SBF2: variants seen among roughly 807,000 people sequenced by gnomAD.
SBF2 encodes the protein SET binding factor 2.
A neutral mutation model predicts 225.2 loss-of-function variants in SBF2; 112 were observed. That is an observed-to-expected ratio of 0.50 (90% CI 0.43 to 0.58). The LOEUF (loss-of-function observed/expected upper bound fraction) is 0.58. Among genes scored for constraint, SBF2 ranks in the 20% least tolerant of loss-of-function variants. SBF2 has a pLI of 0.00. For missense variants in SBF2, 1,996 were observed against 2,206.2 expected (o/e 0.90, Z 1.91); for synonymous variants, 763 against 773.3 (o/e 0.99, Z 0.22).
intron 13 of SBF2, among the ~76,000 whole-genome samples, chr11:9,985,902 T>C (rs868056336): frequency 6.6e-6 from 1 of 152,066 alleles, no homozygotes; most frequent in Admixed American, 6.5e-5. Flanking sequence ...AAAGAAACAA[T>C]GGATTTAAAC....
intron 3 of SBF2, among the ~76,000 whole-genome samples, chr11:10,035,209 C>T (rs1323311834): frequency 2.0e-5 from 3 of 151,902 alleles, no homozygotes; most frequent in East Asian, 3.9e-4. Context: ...CTCCTGACCT[C>T]GTGATCTGCC....
At chr11:10,209,574 AGAGT>A (rs1328628459) in intron 1 of SBF2, among the ~76,000 whole-genome samples, 1 of 152,108 alleles carries the variant, frequency 6.6e-6, no homozygotes, top group African/African-American at 2.4e-5. Context: ...TGTAACAGAT[AGAGT>A]ATTTCTCAAG....
chr11:10,024,337 T>TAAAAAA (rs10693088), intron 6 of SBF2, among the ~76,000 whole-genome samples: 15,676 of 151,606 alleles, frequency 0.1, 1,022 homozygotes, highest in Middle Eastern at 0.23. Context: ...TTTTTAAACT[T>TAAAAAA]AAAATAGTCA....
intron 1 of SBF2, among the ~76,000 whole-genome samples, chr11:10,288,345 G>C (rs535169774): frequency 1.3e-5 from 2 of 152,304 alleles, no homozygotes; most frequent in East Asian, 3.9e-4. Context: ...CTGAGCAATA[G>C]AACAGCTCAA....
chr11:10,195,360 T>A (rs1957317385), intron 1 of SBF2, among the ~76,000 whole-genome samples: 1 of 152,212 alleles, frequency 6.6e-6, no homozygotes, highest in Non-Finnish European at 1.5e-5. Flanking sequence ...AACTTCCCAT[T>A]GAACTTTGGG....
intron 1 of SBF2, among the ~76,000 whole-genome samples, chr11:10,220,470 C>T (rs1179053613): frequency 6.6e-6 from 1 of 152,176 alleles, no homozygotes; most frequent in African/African-American, 2.4e-5. Context: ...TTACCAAGAC[C>T]TATAGCTTCT....
At chr11:9,932,118 A>T (rs1272078169) in intron 16 of SBF2, among the ~76,000 whole-genome samples, 6 of 152,236 alleles carry the variant, frequency 3.9e-5, no homozygotes, top group Non-Finnish European at 7.3e-5. Flanking sequence ...CCTCCAAGAA[A>T]TACGGGACTA....
intron 3 of SBF2, among the ~76,000 whole-genome samples, chr11:10,034,340 C>T (rs148592935): frequency 2.0e-4 from 30 of 152,278 alleles, no homozygotes; most frequent in African/African-American, 6.5e-4. Context: ...TTAGTACTCA[C>T]CATATCAATC....
At chr11:9,816,402 G>C (rs909849808) in intron 29 of SBF2, among the ~76,000 whole-genome samples, 3 of 152,086 alleles carry the variant, frequency 2.0e-5, no homozygotes, top group Non-Finnish European at 4.4e-5. Context: ...TCCATACATG[G>C]TACCACAGTC....
At chr11:10,211,173 C>T (rs1330003165) in intron 1 of SBF2, among the ~76,000 whole-genome samples, 3 of 152,034 alleles carry the variant, frequency 2.0e-5, no homozygotes, top group African/African-American at 7.2e-5. Flanking sequence ...GAAATTTGTT[C>T]TCTATCACAT....
In SBF2 at chr11:10,234,862, T is replaced by C. The variant is rs182100432; in HGVS notation, c.56-40875A>G. Among the ~76,000 whole-genome samples the C allele has an allele frequency of 2.2e-3, 335 of 152,308 alleles. 4 individuals carry two copies. The highest frequency in any genetic ancestry group is 3.4e-3 in the Middle Eastern group (1 of 294). On this transcript the variant is annotated intron_variant, in intron 1 of 39. Transcript: ENST00000256190. Reference sequence around the variant, plus strand: ...GACAAAAAGAAAATCAGTGTGGTTATAGCTTGGTAGAAAAAGGGATACGGG... The same window carrying C: ...GACAAAAAGAAAATCAGTGTGGTTACAGCTTGGTAGAAAAAGGGATACGGG...
intron 17 of SBF2, among the ~76,000 whole-genome samples, chr11:9,871,363 T>C (rs886616935): frequency 6.6e-5 from 10 of 151,502 alleles, no homozygotes. Context: ...AAATAAGACA[T>C]ACATGTGGCC....
intron 2 of SBF2, among the ~76,000 whole-genome samples, chr11:10,122,123 C>T (rs1373401144): frequency 6.6e-6 from 1 of 152,184 alleles, no homozygotes; most frequent in African/African-American, 2.4e-5. Context: ...AGAAAAAAAT[C>T]ATATGCTTAG....
chr11:10,165,768 T>C (rs1182645433), intron 2 of SBF2, among the ~76,000 whole-genome samples: 1 of 152,304 alleles, frequency 6.6e-6, no homozygotes, highest in East Asian at 1.9e-4. Context: ...GTTCTATATT[T>C]ATAACTTAAT....
intron 26 of SBF2, among the ~76,000 whole-genome samples, chr11:9,837,093 C>G (rs1343279366): frequency 6.6e-6 from 1 of 152,110 alleles, no homozygotes; most frequent in Non-Finnish European, 1.5e-5. Context: ...TTTCTAGTCT[C>G]TTTGCACTGC....
intron 17 of SBF2, among the ~76,000 whole-genome samples, chr11:9,869,605 T>C (rs1441588723): frequency 6.6e-6 from 1 of 152,218 alleles, no homozygotes; most frequent in Non-Finnish European, 1.5e-5. Flanking sequence ...AAAAACCACA[T>C]GATTATCTCA....
intron 28 of SBF2, among the ~76,000 whole-genome samples, chr11:9,821,166 C>T (rs1405970758): frequency 2.0e-5 from 3 of 152,162 alleles, no homozygotes; most frequent in Non-Finnish European, 4.4e-5. Flanking sequence ...TTTACATGTG[C>T]TTGTGAGGGC....
At chr11:10,297,891 A>T (rs1964562661), upstream of SBF2, among the ~76,000 whole-genome samples, 1 of 152,270 alleles carries the variant, frequency 6.6e-6, no homozygotes, top group Non-Finnish European at 1.5e-5. Context: ...TGAAACTGAT[A>T]AGCCCTGACA....
chr11:9,978,607 G>A (rs1224079962), intron 13 of SBF2, among the ~76,000 whole-genome samples: 1 of 152,126 alleles, frequency 6.6e-6, no homozygotes. Context: ...AAAGAATAGG[G>A]ATTGTCCATG....
Sources: gnomAD v4.1 joint callset for allele counts (sites outside exome capture counted in the v4.1 genomes callset) on GRCh38, gnomAD v4.1.1 for gene constraint, MANE v1.5 for transcripts, NCBI Gene and HGNC (gene_info 2026-07-23, HGNC 2026-07-21) for gene names.